Variants in NT5C2 observed in about 807,000 individuals in gnomAD.
NT5C2 encodes 5'-nucleotidase, cytosolic II, also known as cytosolic purine 5'-nucleotidase.
NT5C2 carries 58 observed loss-of-function variants against 76.1 expected under a neutral mutation model. The observed-to-expected ratio is 0.76, with a 90% confidence interval of 0.62 to 0.95. The LOEUF is 0.95. Among genes scored for constraint, NT5C2 ranks in the 40% least tolerant of loss-of-function variants. The pLI is 0.00. For synonymous variants in NT5C2, 229 were observed against 237.4 expected, an observed-to-expected ratio of 0.96 and a Z score of 0.32; for missense variants, 478 against 690.3, an observed-to-expected ratio of 0.69 and a Z score of 3.45.
intron 1 of NT5C2, among the ~76,000 whole-genome samples, chr10:103,183,852 A>G (rs2091650983): frequency 6.6e-6 from 1 of 151,642 alleles, no homozygotes; most frequent in South Asian, 2.1e-4. Context: ...AGAAATGCCT[A>G]TTTTTCCAGA....
intron 3 of NT5C2, among the ~76,000 whole-genome samples, chr10:103,152,383 G>A (rs536448443): frequency 1.3e-5 from 2 of 152,148 alleles, no homozygotes; most frequent in South Asian, 2.1e-4. Context: ...GGTTGTTCTC[G>A]TTATTCAATA....
At chr10:103,170,359 C>G (rs1487754783) in intron 3 of NT5C2, among the ~76,000 whole-genome samples, 4 of 151,892 alleles carry the variant, frequency 2.6e-5, no homozygotes, top group African/African-American at 9.7e-5. Context: ...AAACATCAAG[C>G]CTTTGAAAAT....
intron 4 of NT5C2, among the ~76,000 whole-genome samples, chr10:103,120,663 T>C (rs909230600): frequency 1.3e-5 from 2 of 152,222 alleles, no homozygotes; most frequent in African/African-American, 4.8e-5. Context: ...GTGAAGAAAC[T>C]GGAACTCTCA....
chr10:103,165,143 A>G (rs1355623485), intron 3 of NT5C2, among the ~76,000 whole-genome samples: 1 of 152,170 alleles, frequency 6.6e-6, no homozygotes, highest in African/African-American at 2.4e-5. Context: ...TTTCCAAGCT[A>G]GAGTATGATA....
chr10:103,105,765 CAA>C lies in NT5C2; in HGVS notation c.328_329del (p.Leu110GlufsTer16). On this transcript the variant is annotated frameshift_variant, in exon 6 of 19. Transcript: ENST00000404739. LOFTEE classifies it high-confidence loss of function. ...LVFDTLYGNL[L>X]KVDAYGNLLV... ...AGAGGTTTCCATAGGCATCGACTTT[CAA>C]AAGATTTCCATACAGTGTGTCAAAG... 1 of 1,613,310 alleles carries C rather than the reference CAA, an allele frequency of 6.2e-7. No individual in the cohort carries two copies. The highest frequency in any genetic ancestry group is 8.5e-7 in the Non-Finnish European group (1 of 1,179,464).
At chr10:103,135,003 AT>A (rs2078914967) in intron 4 of NT5C2, among the ~76,000 whole-genome samples, 1 of 152,260 alleles carries the variant, frequency 6.6e-6, no homozygotes, top group East Asian at 1.9e-4. Context: ...CAATGCCTGT[AT>A]CCCCATTGTA....
intron 3 of NT5C2, among the ~76,000 whole-genome samples, chr10:103,159,478 T>C (rs989049543): frequency 1.3e-5 from 2 of 151,748 alleles, no homozygotes; most frequent in African/African-American, 4.8e-5. Flanking sequence ...GACCCCCTTC[T>C]CCACCAAAAA....
chr10:103,165,493 C>CA (rs1475357320), intron 3 of NT5C2, among the ~76,000 whole-genome samples: 55 of 140,980 alleles, frequency 3.9e-4, no homozygotes, highest in Non-Finnish European at 6.6e-4. Flanking sequence ...AACTCCATCT[C>CA]AAAAAAAAAA....
chr10:103,128,080 CCTCTCCCT>C (rs1236143626), intron 4 of NT5C2, among the ~76,000 whole-genome samples: 2 of 136,498 alleles, frequency 1.5e-5, no homozygotes, highest in Non-Finnish European at 3.2e-5. Context: ...TCTCCCTCTC[CCTCTCCCT>C]CTGTCTCCCT....
Position 103,111,650 on chromosome 10 carries a change from C to CTAA in NT5C2, c.176-4945_176-4944insTTA, listed in dbSNP as rs1216713948. 4 of 819,334 alleles carry CTAA rather than the reference C, an allele frequency of 4.9e-6. No individual in the cohort carries two copies. In the Admixed American group the frequency reaches 1.7e-4, roughly 35 times the overall value. The allele number at this position is 819,334 out of a possible 1,614,324, so 50.8% of individuals were successfully genotyped here. ...ACTTTTTACCATTGCCACCAAGACA[C>CTAA]ACTATGTAGTAATTTATAGATTTAG... On this transcript the variant is annotated intron_variant, in intron 4 of 18. Coordinates refer to ENST00000404739, the MANE Select transcript of NT5C2 (RefSeq NM_001351169.2).
intron 3 of NT5C2, among the ~76,000 whole-genome samples, chr10:103,154,275 T>G (rs1340327049): frequency 6.6e-6 from 1 of 152,144 alleles, no homozygotes; most frequent in Non-Finnish European, 1.5e-5. Flanking sequence ...CTTAAAATTT[T>G]TAAAAGCTTT....
chr10:103,166,381 A>T (rs929951941), intron 3 of NT5C2, among the ~76,000 whole-genome samples: 5 of 152,102 alleles, frequency 3.3e-5, no homozygotes, highest in Non-Finnish European at 5.9e-5. Context: ...ATGGAACCAT[A>T]CAGAGTGTAA....
Position 103,091,607 on chromosome 10 carries a change from C to T in NT5C2, c.1168G>A (p.Glu390Lys). Residue 390 changes from glutamate (E) to lysine (K), a missense_variant, in exon 16 of 19, where the codon GAA becomes AAA. Transcript: ENST00000404739. Reference protein sequence around the residue: ...HVWTDKSSLFEELQSLDIFLA... With the variant: ...HVWTDKSSLFKELQSLDIFLA... ...AAAATATCCAAGCTCTGAAGTTCTT[C>T]GAAAAGTGCTAGTTAAGGTTTGGAA... is the stretch of plus-strand genomic sequence containing the variant. 3.1e-6 allele frequency: 5 copies of T among 1,613,010 alleles called. No homozygotes were observed. Among genetic ancestry groups the T allele is most frequent in the Non-Finnish European group, 4.2e-6 (5 of 1,179,188 alleles).
At chr10:103,181,892 A>G (rs1049945064) in intron 1 of NT5C2, among the ~76,000 whole-genome samples, 4 of 152,028 alleles carry the variant, frequency 2.6e-5, no homozygotes, top group Non-Finnish European at 5.9e-5. Flanking sequence ...CTGTAGTCCC[A>G]GCTACTCGAG....
chr10:103,178,147 G>T (rs192945624), intron 2 of NT5C2, among the ~76,000 whole-genome samples: 153 of 152,244 alleles, frequency 1.0e-3, no homozygotes, highest in African/African-American at 3.2e-3. Flanking sequence ...CACTGTGCAG[G>T]CGCAACTGGC....
At chr10:103,140,486 A>G (rs1013724914) in intron 3 of NT5C2, among the ~76,000 whole-genome samples, 1 of 152,162 alleles carries the variant, frequency 6.6e-6, no homozygotes, top group Non-Finnish European at 1.5e-5. Flanking sequence ...GCTATTCTAA[A>G]TAATGTTGCA....
At chr10:103,100,080 C>A in intron 8 of NT5C2, 61 bp from the exon 9 acceptor site, 3 of 1,140,760 alleles carry the variant, frequency 2.6e-6, no homozygotes, top group South Asian at 2.5e-5. Flanking sequence ...AAATATATAT[C>A]AAAAATTTCC....
intron 4 of NT5C2, among the ~76,000 whole-genome samples, chr10:103,119,364 T>G (rs1261746255): frequency 6.6e-6 from 1 of 151,874 alleles, no homozygotes; most frequent in Non-Finnish European, 1.5e-5. Context: ...AGCAAAATTT[T>G]GTCTCCAAAA....
intron 1 of NT5C2, among the ~76,000 whole-genome samples, chr10:103,184,490 T>C (rs2091754303): frequency 1.3e-5 from 2 of 152,234 alleles, no homozygotes. Flanking sequence ...TTTGACAGTT[T>C]GCATTCTGTC....
Sources: gnomAD v4.1 joint callset for allele counts (sites outside exome capture counted in the v4.1 genomes callset) on GRCh38, gnomAD v4.1.1 for gene constraint, MANE v1.5 for transcripts, NCBI Gene and HGNC (gene_info 2026-07-23, HGNC 2026-07-21) for gene names.